FAR2: variants seen among roughly 807,000 people sequenced by gnomAD.
FAR2 encodes the protein epididymis secretory protein Li 81.
A neutral mutation model predicts 56.0 loss-of-function variants in FAR2; 19 were observed. That is an observed-to-expected ratio of 0.34 (90% CI 0.24 to 0.50). The LOEUF is 0.50. Among genes scored for constraint, FAR2 ranks in the 20% least tolerant of loss-of-function variants. The pLI is 0.98. For synonymous variants in FAR2, 219 were observed against 218.8 expected, an observed-to-expected ratio of 1.00 and a Z score of -0.01; for missense variants, 508 against 642.2, an observed-to-expected ratio of 0.79 and a Z score of 2.26.
intron 1 of FAR2, among the ~76,000 whole-genome samples, chr12:29,212,241 G>C (rs1053494105): frequency 4.6e-5 from 7 of 151,902 alleles, no homozygotes; most frequent in African/African-American, 1.7e-4. Context: ...TTCTACCTCT[G>C]CCTTAAAATT....
At chr12:29,298,790 C>T (rs937696668) in intron 4 of FAR2, among the ~76,000 whole-genome samples, 48 of 152,078 alleles carry the variant, frequency 3.2e-4, no homozygotes, top group Non-Finnish European at 7.4e-5. Context: ...TTTGATATGT[C>T]CAGGAGAGGG....
chr12:29,215,141 A>G (rs1260290352), intron 1 of FAR2, among the ~76,000 whole-genome samples: 1 of 152,232 alleles, frequency 6.6e-6, no homozygotes, highest in Admixed American at 6.5e-5. Flanking sequence ...AGAAATGGAT[A>G]TGTAATGAGA....
intron 1 of FAR2, among the ~76,000 whole-genome samples, chr12:29,193,619 G>A (rs1251966792): frequency 6.6e-6 from 1 of 152,148 alleles, no homozygotes; most frequent in African/African-American, 2.4e-5. Context: ...ATTGTCTAAA[G>A]ATACTACAGT....
intron 1 of FAR2, among the ~76,000 whole-genome samples, chr12:29,260,901 A>T (rs1377214615): frequency 3.3e-5 from 5 of 152,198 alleles, no homozygotes; most frequent in Non-Finnish European, 7.3e-5. Context: ...CAGTACCTTC[A>T]TGACTGTGCA....
At chr12:29,273,404 C>T (rs1340757045) in intron 2 of FAR2, among the ~76,000 whole-genome samples, 1 of 152,024 alleles carries the variant, frequency 6.6e-6, no homozygotes, top group Non-Finnish European at 1.5e-5. Context: ...GGGGTTAGGC[C>T]TGAAGAGGCA....
chr12:29,307,010 T>C (rs1206360283), intron 4 of FAR2, among the ~76,000 whole-genome samples: 1 of 152,134 alleles, frequency 6.6e-6, no homozygotes, highest in Non-Finnish European at 1.5e-5. Context: ...TTGCATTGAG[T>C]GGAATTTTTA....
chr12:29,158,654 C>T (rs960846113), intron 1 of FAR2, among the ~76,000 whole-genome samples: 20 of 152,218 alleles, frequency 1.3e-4, no homozygotes, highest in Non-Finnish European at 1.5e-5. Flanking sequence ...ACAAACTTTT[C>T]CCAAATTAGA....
chr12:29,260,419 G>A (rs943393856), intron 1 of FAR2, among the ~76,000 whole-genome samples: 13 of 152,166 alleles, frequency 8.5e-5, no homozygotes, highest in African/African-American at 2.9e-4. Flanking sequence ...GGTAATGAGG[G>A]CCAGAAGATA....
At chr12:29,259,076 C>T (rs1948375228) in intron 1 of FAR2, among the ~76,000 whole-genome samples, 1 of 152,098 alleles carries the variant, frequency 6.6e-6, no homozygotes, top group Non-Finnish European at 1.5e-5. Context: ...AAATTTAAGT[C>T]TTGAATTTGG....
At chr12:29,250,435 T>G (rs1335553780) in intron 1 of FAR2, among the ~76,000 whole-genome samples, 1 of 152,176 alleles carries the variant, frequency 6.6e-6, no homozygotes, top group East Asian at 1.9e-4. Context: ...AAGATTCAGA[T>G]TTACATGAAG....
chr12:29,318,849 ATGCTGAGGAGGGAGAC>A (rs1235577377), intron 9 of FAR2, among the ~76,000 whole-genome samples: 13 of 152,032 alleles, frequency 8.6e-5, no homozygotes, highest in Admixed American at 6.6e-4. Flanking sequence ...TCAGGAGAGG[ATGCTGAGGAGGGAGAC>A]TGCTGGATTG....
intron 1 of FAR2, among the ~76,000 whole-genome samples, chr12:29,218,097 C>T (rs1285122357): frequency 6.6e-6 from 1 of 151,908 alleles, no homozygotes; most frequent in Non-Finnish European, 1.5e-5. Context: ...TGGCTCACGC[C>T]TGTAATCCCA....
Position 29,316,935 on chromosome 12 carries a change from G to C in FAR2, c.1050G>C (p.Gln350His), listed in dbSNP as rs770064031. The C allele has an allele frequency of 6.2e-7, 1 of 1,613,944 alleles. No homozygotes were observed. Among genetic ancestry groups the C allele is most frequent in the African/African-American group, 1.3e-5 (1 of 74,904 alleles). ...TTACCAGCAACAGCTTCACATCACA[G>C]TACTGGAATGCGGTCAGCCACCGGG... is the stretch of plus-strand genomic sequence containing the variant. ...ANFTSNSFTS[Q>H]YWNAVSHRAP... The change falls in exon 9 of 12, where the codon CAG becomes CAC. Residue 350 changes from glutamine to histidine, a missense_variant. Coordinates refer to ENST00000536681, the MANE Select transcript of FAR2 (RefSeq NM_001271783.2).
intron 1 of FAR2, among the ~76,000 whole-genome samples, chr12:29,224,398 T>C (rs556040884): frequency 6.6e-6 from 1 of 152,326 alleles, no homozygotes; most frequent in South Asian, 2.1e-4. Context: ...GATTCAAACA[T>C]AGATTAAAGT....
intron 1 of FAR2, among the ~76,000 whole-genome samples, chr12:29,237,517 T>C (rs1947960130): frequency 6.6e-6 from 1 of 152,188 alleles, no homozygotes; most frequent in African/African-American, 2.4e-5. Context: ...TTTTGTGTGA[T>C]GAAATAGAAA....
intron 2 of FAR2, among the ~76,000 whole-genome samples, chr12:29,276,702 A>G (rs893865605): frequency 3.3e-5 from 5 of 152,216 alleles, no homozygotes; most frequent in African/African-American, 1.2e-4. Context: ...CTGGCCATCT[A>G]TGAGATTCAA....
chr12:29,156,231 G>A (rs1191097734), intron 1 of FAR2, among the ~76,000 whole-genome samples: 4 of 152,064 alleles, frequency 2.6e-5, no homozygotes, highest in Admixed American at 1.3e-4. Flanking sequence ...AAATAACTAA[G>A]TAAATTTCAA....
At chr12:29,324,514 C>T (rs1949610996) in intron 10 of FAR2, among the ~76,000 whole-genome samples, 1 of 152,138 alleles carries the variant, frequency 6.6e-6, no homozygotes. Flanking sequence ...GTCGGGTTAC[C>T]CACAAAGGGA....
rs1481165672 is a variant in FAR2, at chr12:29,333,736, T to C, written c.1490T>C (p.Val497Ala). 5.6e-6 allele frequency: 9 copies of C among 1,613,916 alleles called. No individual in the cohort carries two copies. In the South Asian group the frequency reaches 9.9e-5, roughly 18 times the overall value. ...GCTCGGAATGTCTGGTTCTTCATTG[T>C]AAGCTTCTGTTATAAATTCCTCTCC... The part of the protein sequence containing the change: ...QMARNVWFFI[V>A]SFCYKFLSYF... The change falls in exon 12 of 12, where the codon GTA becomes GCA. Residue 497 changes from valine to alanine, a missense_variant. Val to Ala is a moderately conservative substitution (Grantham distance 64). Transcript: ENST00000536681.
Sources: gnomAD v4.1 joint callset for allele counts (sites outside exome capture counted in the v4.1 genomes callset) on GRCh38, gnomAD v4.1.1 for gene constraint, MANE v1.5 for transcripts, NCBI Gene and HGNC (gene_info 2026-07-23, HGNC 2026-07-21) for gene names.